PLCD4: variants seen among roughly 807,000 people sequenced by gnomAD.
The protein encoded by PLCD4 is 1-phosphatidylinositol 4,5-bisphosphate phosphodiesterase delta-4.
In PLCD4, 63 loss-of-function variants were observed where a neutral mutation model predicts 90.2. That is an observed-to-expected ratio of 0.70 (90% CI 0.57 to 0.86). The LOEUF (loss-of-function observed/expected upper bound fraction) is 0.86. Among genes scored for constraint, PLCD4 ranks in the 40% least tolerant of loss-of-function variants. The pLI, the probability that PLCD4 is intolerant of heterozygous loss-of-function variation, is 0.00. For synonymous variants in PLCD4, 294 were observed against 356.5 expected, an observed-to-expected ratio of 0.82 and a Z score of 1.97; for missense variants, 830 against 956.3, an observed-to-expected ratio of 0.87 and a Z score of 1.74.
intron 6 of PLCD4, among the ~76,000 whole-genome samples, chr2:218,627,674 G>A (rs1395272766): frequency 6.6e-5 from 10 of 151,718 alleles, no homozygotes; most frequent in Non-Finnish European, 1.5e-5. Context: ...CACCGTGCCC[G>A]GCTAATTTTT....
chr2:218,618,646 G>A lies in PLCD4; in HGVS notation c.249G>A (p.Glu83=). The change falls in exon 4 of 16, where the codon GAG becomes GAA. Residue 83 remains glutamate, a synonymous_variant. Coordinates refer to ENST00000450993, the MANE Select transcript of PLCD4 (RefSeq NM_032726.4). ...HDSELLRSLA[E]ELPLEQGFTI... is the part of the protein sequence containing the mutation. ...CCGAGTTGCTGCGTAGCCTGGCAGAGGAGCTCCCCCTGGAGCAGGGCTTCA... is the reference window on the plus strand; with the variant it reads ...CCGAGTTGCTGCGTAGCCTGGCAGAAGAGCTCCCCCTGGAGCAGGGCTTCA... 1.2e-6 allele frequency: 2 copies of A among 1,614,062 alleles called. No homozygotes were observed. The highest frequency in any genetic ancestry group is 8.5e-7 in the Non-Finnish European group (1 of 1,179,896).
chr2:218,613,920 A>G (rs1695458606), intron 1 of PLCD4, among the ~76,000 whole-genome samples: 1 of 152,094 alleles, frequency 6.6e-6, no homozygotes, highest in East Asian at 1.9e-4. Flanking sequence ...CCACATATCA[A>G]ATTTTCTAGT....
Position 218,615,770 on chromosome 2 carries a change from C to A in PLCD4, c.22+9C>A, listed in dbSNP as rs367819551. ...GTCCCTGCTGCAAGACCGTGAGTGC[C>A]GGGGCCCCTGCAGGGGAAGAGGCCT... On this transcript the variant is annotated intron_variant, in intron 2 of 15. Transcript: ENST00000450993. The A allele has an allele frequency of 1.2e-6, 2 of 1,605,596 alleles. No individual in the cohort carries two copies. Among genetic ancestry groups the A allele is most frequent in the East Asian group, 2.2e-5 (1 of 44,824 alleles).
At chr2:218,618,015 A>G (rs1044013135) in intron 3 of PLCD4, among the ~76,000 whole-genome samples, 1 of 152,170 alleles carries the variant, frequency 6.6e-6, no homozygotes, top group African/African-American at 2.4e-5. Flanking sequence ...TGAACCTGGG[A>G]GGTGGAGCTT....
chr2:218,630,795 C>CGAGG lies in PLCD4; in HGVS notation c.1266_1267insAGGG (p.Pro423ArgfsTer3). 1 of 1,612,100 alleles carries CGAGG rather than the reference C, an allele frequency of 6.2e-7. No individual in the cohort carries two copies. The highest frequency in any genetic ancestry group is 8.5e-7 in the Non-Finnish European group (1 of 1,178,932). ...GGGGTGCTGCCCACTCAGCTGCCCT[C>CGAGG]GCCTGAGGTAGGGACACTGTTCCTC... is the stretch of plus-strand genomic sequence containing the variant. On this transcript the variant is annotated frameshift_variant, in exon 9 of 16. Transcript: ENST00000450993. LOFTEE classifies it high-confidence loss of function.
chr2:218,612,940 C>T (rs183181787), intron 1 of PLCD4, among the ~76,000 whole-genome samples: 3 of 152,126 alleles, frequency 2.0e-5, no homozygotes, highest in African/African-American at 4.8e-5. Flanking sequence ...TGAGGCAAGT[C>T]GCATCACATT....
Position 218,633,744 on chromosome 2 carries a change from G to A in PLCD4, c.1589G>A (p.Arg530His), listed in dbSNP as rs371174811. 59 of 1,613,884 alleles carry A rather than the reference G, an allele frequency of 3.7e-5. 1 individual carries two copies. The South Asian group carries it at 3.8e-4, about 11-fold the overall frequency. The change falls in exon 11 of 16, where the codon CGC (arginine) becomes CAC (histidine). Residue 530 changes from arginine to histidine, a missense_variant. Transcript: ENST00000450993. ...TCTTTCTCTGAAACCAAGGCCAAGCGCCTCATCAAGGAGGCTGGTCAGGAC... is the reference window on the plus strand; with the variant it reads ...TCTTTCTCTGAAACCAAGGCCAAGCACCTCATCAAGGAGGCTGGTCAGGAC... The part of the protein sequence containing the change: ...ISSFSETKAK[R>H]LIKEAGNEFV...
chr2:218,614,593 G>A (rs1695497498), intron 1 of PLCD4, among the ~76,000 whole-genome samples: 1 of 152,072 alleles, frequency 6.6e-6, no homozygotes, highest in Non-Finnish European at 1.5e-5. Context: ...GGGATTACAG[G>A]TGCTTGCCAC....
rs200031671 is a variant in PLCD4, at chr2:218,616,010, C to T, written c.129C>T (p.Asp43=). The change falls in exon 3 of 16, where the codon GAC becomes GAT. Residue 43 remains aspartate, a synonymous_variant. Transcript: ENST00000450993. ...KKLRYFRLQN[D]GMTVWHARQA... is the part of the protein sequence containing the mutation. ...TAAGATACTTCAGACTTCAGAATGA[C>T]GGCATGACAGTCTGGCATGCACGGC... The T allele has an allele frequency of 1.9e-4, 311 of 1,614,004 alleles. No individual in the cohort carries two copies. The highest frequency in any genetic ancestry group is 2.0e-4 in the Non-Finnish European group (232 of 1,179,888).
Position 218,629,630 on chromosome 2 carries a change from TGTC to T in PLCD4, c.1089_1091del (p.Val364del). 1.9e-6 allele frequency: 3 copies of T among 1,613,660 alleles called. No individual in the cohort carries two copies. Among genetic ancestry groups the T allele is most frequent in the Non-Finnish European group, 2.5e-6 (3 of 1,179,806 alleles). Reference sequence around the variant, plus strand: ...TGACCTCCCGCATCCTGTTCAAAGATGTCGTGGCCACAGTAGCACAGTATGCCT... The same window carrying T: ...TGACCTCCCGCATCCTGTTCAAAGATGTGGCCACAGTAGCACAGTATGCCT... On this transcript the variant is annotated inframe_deletion, in exon 8 of 16. Coordinates refer to ENST00000450993, the MANE Select transcript of PLCD4 (RefSeq NM_032726.4).
intron 1 of PLCD4, chr2:218,609,201 A>G (rs1695224980): frequency 6.6e-6 from 1 of 151,976 alleles, no homozygotes; most frequent in Non-Finnish European, 1.5e-5. Flanking sequence ...ACCAGAGCCA[A>G]TTTGTCCTCT....
intron 14 of PLCD4, 24 bp downstream of exon 14, chr2:218,635,955 A>AG: frequency 6.2e-7 from 1 of 1,613,816 alleles, no homozygotes; most frequent in South Asian, 1.1e-5. Flanking sequence ...AGTGCTGGGG[A>AG]GGTGGGGGTA....
At chr2:218,631,669 TGTAATCCCAGCTAC>T (rs1349932860) in intron 9 of PLCD4, among the ~76,000 whole-genome samples, 7 of 146,318 alleles carry the variant, frequency 4.8e-5, no homozygotes, top group African/African-American at 1.9e-4. Flanking sequence ...GGTGGGCACC[TGTAATCCCAGCTAC>T]TTGGGAAGCT....
Position 218,615,889 on chromosome 2 carries a change from CT to C in PLCD4, c.23-11del, listed in dbSNP as rs1328741380. 1.2e-6 allele frequency: 2 copies of C among 1,613,174 alleles called. No homozygotes were observed. The highest frequency in any genetic ancestry group is 1.3e-5 in the African/African-American group (1 of 74,918). On this transcript the variant is annotated splice_polypyrimidine_tract_variant and intron_variant, in intron 2 of 15. Transcript: ENST00000450993. ...CTCTCTGCTGGCTACCTAACCCCTG[CT>C]TTTCCTGACCTAGAGCTGACCACTG...
rs369550268 is a variant in PLCD4, at chr2:218,615,965, G to T, written c.84G>T (p.Arg28Ser). The T allele has an allele frequency of 6.6e-5, 107 of 1,613,916 alleles. No homozygotes were observed. The highest frequency in any genetic ancestry group is 8.4e-5 in the Non-Finnish European group (99 of 1,179,906). ...MQEGMPMRKV[R>S]SKSWKKLRYF... ...AAGGCATGCCGATGCGCAAGGTGAG[G>T]TCCAAAAGCTGGAAGAAGCTAAGAT... The change falls in exon 3 of 16, where the codon AGG becomes AGT. Residue 28 changes from arginine to serine, a missense_variant. Physicochemically the swap from Arg to Ser is moderately radical, Grantham distance 110 (BLOSUM62 -1). Transcript: ENST00000450993.
chr2:218,609,031 A>G (rs1235426364), intron 1 of PLCD4, among the ~76,000 whole-genome samples: 3 of 151,422 alleles, frequency 2.0e-5, no homozygotes, highest in South Asian at 2.1e-4. Context: ...AGTCCCAGCT[A>G]CTCGGGAGGC....
At chr2:218,633,974 A>G in intron 11 of PLCD4, 131 bp from the exon 12 acceptor site, 2 of 1,311,298 alleles carry the variant, frequency 1.5e-6, no homozygotes, top group East Asian at 5.0e-5. Flanking sequence ...CAGAGTAGAG[A>G]GGCACAGTGA....
intron 6 of PLCD4, among the ~76,000 whole-genome samples, chr2:218,624,493 C>A (rs1209030129): frequency 6.6e-6 from 1 of 151,696 alleles, no homozygotes; most frequent in African/African-American, 2.4e-5. Flanking sequence ...GGAGACCGGG[C>A]AGATAACCTG....
Position 218,618,642 on chromosome 2 carries a change from C to A in PLCD4, c.245C>A (p.Ala82Glu), listed in dbSNP as rs1323226238. Reference protein sequence around the residue: ...GHDSELLRSLAEELPLEQGFT... With the variant: ...GHDSELLRSLEEELPLEQGFT... The stretch of plus-strand genomic sequence containing the variant: ...GATTCCGAGTTGCTGCGTAGCCTGG[C>A]AGAGGAGCTCCCCCTGGAGCAGGGC... The change falls in exon 4 of 16, where the codon GCA becomes GAA. Residue 82 changes from alanine (A) to glutamate (E), a missense_variant. Coordinates refer to ENST00000450993, the MANE Select transcript of PLCD4 (RefSeq NM_032726.4). 1 of 1,613,950 alleles carries A rather than the reference C, an allele frequency of 6.2e-7. No homozygotes were observed. The highest frequency in any genetic ancestry group is 8.5e-7 in the Non-Finnish European group (1 of 1,179,910).
Sources: allele counts gnomAD v4.1 joint callset (sites outside exome capture counted in the v4.1 genomes callset), GRCh38; gene constraint gnomAD v4.1.1; transcripts MANE v1.5; gene names NCBI Gene and HGNC (gene_info 2026-07-23, HGNC 2026-07-21).